The following FEZ2 variants were observed in gnomAD, a reference collection of about 807,000 sequenced individuals.
The protein encoded by FEZ2 is fasciculation and elongation protein zeta 2.
A neutral mutation model predicts 40.4 loss-of-function variants in FEZ2; 51 were observed. That is an observed-to-expected ratio of 1.26 (90% CI 1.01 to 1.59). The LOEUF (loss-of-function observed/expected upper bound fraction) is 1.59. Among genes scored for constraint, FEZ2 ranks in the 40% most tolerant of loss-of-function variants. The probability of loss-of-function intolerance (pLI) is 0.00; values close to 1 mark genes in which losing one functional copy is unlikely to be tolerated. For synonymous variants in FEZ2, 242 were observed against 172.0 expected (o/e 1.41, Z -3.18); for missense variants, 640 against 438.3 (o/e 1.46, Z -4.11).
intron 3 of FEZ2, among the ~76,000 whole-genome samples, chr2:36,582,631 G>C (rs372353382): frequency 2.0e-5 from 3 of 152,102 alleles, no homozygotes; most frequent in Non-Finnish European, 4.4e-5. Flanking sequence ...CCACAAATAT[G>C]ACTAAGGAGG....
intron 5 of FEZ2, among the ~76,000 whole-genome samples, chr2:36,577,039 C>G (rs1030340286): frequency 1.3e-5 from 2 of 152,218 alleles, no homozygotes; most frequent in East Asian, 3.9e-4. Context: ...TTAAAGGGTG[C>G]CAGTTCTAAA....
At chr2:36,590,003 T>A (rs775653364) in intron 2 of FEZ2, 2 of 145,672 alleles carry the variant, frequency 1.4e-5, no homozygotes, top group Non-Finnish European at 3.0e-5. Context: ...TCTCATCAGA[T>A]TTAAAAAAGC....
At chr2:36,590,145 C>T (rs182472637) in intron 2 of FEZ2, 49 of 152,236 alleles carry the variant, frequency 3.2e-4, no homozygotes, top group African/African-American at 1.1e-3. Flanking sequence ...ACAGGAGACC[C>T]CAAGAAAGGT....
chr2:36,597,346 C>G (rs1669256842), intron 1 of FEZ2, among the ~76,000 whole-genome samples: 1 of 152,202 alleles, frequency 6.6e-6, no homozygotes, highest in South Asian at 2.1e-4. Flanking sequence ...GCTTTTAAGT[C>G]TCTCACATTT....
intron 5 of FEZ2, among the ~76,000 whole-genome samples, chr2:36,563,482 T>C (rs1285369019): frequency 6.8e-6 from 1 of 147,338 alleles, no homozygotes; most frequent in Non-Finnish European, 1.5e-5. Context: ...CATTGGAAAA[T>C]TACAGAACAA....
At chr2:36,597,773 C>G (rs1168023450) in intron 1 of FEZ2, 104 bp downstream of exon 1, 15 of 900,822 alleles carry the variant, frequency 1.7e-5, no homozygotes, top group Non-Finnish European at 2.1e-5. Context: ...CTCCCGCGTC[C>G]GGGCGGAAGG....
In FEZ2 at chr2:36,552,345, CTG is replaced by C; in HGVS notation, c.*816_*817del. The C allele has an allele frequency of 7.8e-6, 3 of 382,636 alleles. No individual in the cohort carries two copies. Among genetic ancestry groups the C allele is most frequent in the South Asian group, 6.1e-5 (3 of 49,052 alleles). 23.7% of individuals were successfully genotyped at this position (382,636 alleles called of 1,614,324 possible). A position where few individuals can be genotyped will look rare whatever the true frequency, so the allele number is the denominator to read the frequency against. On this transcript the variant is annotated 3_prime_UTR_variant, in exon 8 of 8. Transcript: ENST00000405912. Reference sequence around the variant, plus strand: ...ATGATATTGATGAATCCATAAGTAGCTGTATCTAGAATTCATACTTAAGAAAA... The same window carrying C: ...ATGATATTGATGAATCCATAAGTAGCTATCTAGAATTCATACTTAAGAAAA...
At chr2:36,580,204 G>T (rs1200913397) in intron 4 of FEZ2, among the ~76,000 whole-genome samples, 2 of 152,190 alleles carry the variant, frequency 1.3e-5, no homozygotes, top group African/African-American at 2.4e-5. Flanking sequence ...TCTGTATCAG[G>T]TATCAGGACT....
intron 5 of FEZ2, among the ~76,000 whole-genome samples, chr2:36,572,683 G>A (rs974609359): frequency 6.6e-6 from 1 of 152,198 alleles, no homozygotes; most frequent in African/African-American, 2.4e-5. Context: ...CCCTTGGACA[G>A]TAGTCTGCCT....
chr2:36,583,775 G>A (rs1262147103), intron 2 of FEZ2, among the ~76,000 whole-genome samples: 1 of 152,184 alleles, frequency 6.6e-6, no homozygotes, highest in Non-Finnish European at 1.5e-5. Flanking sequence ...GAATAGAAGG[G>A]AGAATATGGG....
chr2:36,597,265 T>C (rs1435313138), intron 1 of FEZ2, among the ~76,000 whole-genome samples: 2 of 152,070 alleles, frequency 1.3e-5, no homozygotes, highest in Non-Finnish European at 2.9e-5. Context: ...CCAGGCACAC[T>C]CCCACTCATC....
chr2:36,574,582 G>C (rs1668509487), intron 5 of FEZ2, among the ~76,000 whole-genome samples: 1 of 151,872 alleles, frequency 6.6e-6, no homozygotes, highest in Non-Finnish European at 1.5e-5. Context: ...GCATCGGACA[G>C]AGTCATCAAG....
In FEZ2 at chr2:36,567,115, G is replaced by A. The variant is rs1284095520; in HGVS notation, c.904-8602C>T. 5.9e-5 allele frequency among the ~76,000 whole-genome samples: 9 copies of A among 152,038 alleles called. No individual in the cohort carries two copies. The South Asian group carries it at 8.3e-4, about 14-fold the overall frequency. ...AGGTCTTAGGCATCTTTCCATCCCC[G>A]CAGCTTGCATAGTGCCTGGGCCATA... On this transcript the variant is annotated intron_variant, in intron 5 of 7. Coordinates refer to ENST00000405912, the MANE Select transcript of FEZ2 (RefSeq NM_005102.3).
At chr2:36,560,861 A>T in intron 5 of FEZ2, 2 of 1,607,118 alleles carry the variant, frequency 1.2e-6, no homozygotes, top group Non-Finnish European at 1.7e-6. Flanking sequence ...TTCCATGCTG[A>T]AGCGCTAAAG....
At chr2:36,572,947 C>G (rs183753873) in intron 5 of FEZ2, among the ~76,000 whole-genome samples, 123 of 152,240 alleles carry the variant, frequency 8.1e-4, no homozygotes, top group African/African-American at 2.9e-3. Context: ...CTCCCTAACC[C>G]CCGAAAAGCA....
At chr2:36,568,612 C>T (rs992858049) in intron 5 of FEZ2, among the ~76,000 whole-genome samples, 16 of 152,290 alleles carry the variant, frequency 1.1e-4, no homozygotes, top group African/African-American at 3.9e-4. Flanking sequence ...AATGCCCCCT[C>T]TCAGGATGGA....
At chr2:36,579,267 C>G (rs1157364796) in intron 4 of FEZ2, among the ~76,000 whole-genome samples, 1 of 152,190 alleles carries the variant, frequency 6.6e-6, no homozygotes, top group Non-Finnish European at 1.5e-5. Flanking sequence ...CAGCAGGGTT[C>G]TGGGATATCT....
intron 5 of FEZ2, among the ~76,000 whole-genome samples, chr2:36,570,593 A>G (rs1243977151): frequency 2.6e-5 from 4 of 152,206 alleles, no homozygotes; most frequent in Non-Finnish European, 5.9e-5. Flanking sequence ...GAAATGAGTC[A>G]GGCAACTTTG....
chr2:36,577,419 G>A (rs959085479), intron 5 of FEZ2, among the ~76,000 whole-genome samples: 7 of 152,032 alleles, frequency 4.6e-5, no homozygotes, highest in East Asian at 1.9e-4. Flanking sequence ...CACCACACCC[G>A]GCTAATTTTA....
Sources: gnomAD v4.1 joint callset for allele counts (sites outside exome capture counted in the v4.1 genomes callset) on GRCh38, gnomAD v4.1.1 for gene constraint, MANE v1.5 for transcripts, NCBI Gene and HGNC (gene_info 2026-07-23, HGNC 2026-07-21) for gene names.